The following ANAPC1 variants were observed in gnomAD, a reference collection of about 807,000 sequenced individuals.
ANAPC1 encodes the protein anaphase-promoting complex subunit 1.
In ANAPC1, 36 loss-of-function variants were observed where a neutral mutation model predicts 208.0. The ratio of observed to expected loss-of-function variants is 0.17; its 90% confidence interval spans 0.13 to 0.23. ANAPC1 has a LOEUF of 0.23. Among genes scored for constraint, ANAPC1 ranks in the 10% least tolerant of loss-of-function variants. ANAPC1 has a pLI of 1.00. For missense variants in ANAPC1, 942 were observed against 2,011.6 expected, an observed-to-expected ratio of 0.47 and a Z score of 10.17; for synonymous variants, 378 against 695.2, an observed-to-expected ratio of 0.54 and a Z score of 7.18.
At position 111,862,505 on chromosome 2, in the gene ANAPC1, A is replaced by G; in HGVS notation, c.1146T>C (p.Ser382=). 6.2e-7 allele frequency: 1 copy of G among 1,611,570 alleles called. No homozygotes were observed. Among genetic ancestry groups the G allele is most frequent in the Middle Eastern group, 2.3e-4 (1 of 4,430 alleles). The change falls in exon 10 of 48, where the codon AGT becomes AGC. Residue 382 remains serine, a synonymous_variant. Transcript: ENST00000341068. The part of the protein sequence containing the change: ...SSHNQSPKRH[S]ISHSPNSNSN... ...AATTACTATTTGGAGAATGAGAAAT[A>G]CTATGTCTCTTTGGAGACTGATTAT...
At chr2:111,832,298 G>C (rs1347546115) in intron 20 of ANAPC1, among the ~76,000 whole-genome samples, 1 of 122,166 alleles carries the variant, frequency 8.2e-6, no homozygotes, top group East Asian at 2.5e-4. Context: ...GTGAGACCCT[G>C]TCTCAAGAAA....
chr2:111,860,999 C>T (rs933858930), intron 10 of ANAPC1, among the ~76,000 whole-genome samples: 2 of 152,198 alleles, frequency 1.3e-5, no homozygotes, highest in South Asian at 2.1e-4. Flanking sequence ...CCCAAACTTC[C>T]GACACACTTA....
At chr2:111,857,479 G>C (rs1681797744) in intron 11 of ANAPC1, among the ~76,000 whole-genome samples, 1 of 152,220 alleles carries the variant, frequency 6.6e-6, no homozygotes, top group Non-Finnish European at 1.5e-5. Flanking sequence ...TTAGAGAAAA[G>C]CAAATTAAAG....
intron 46 of ANAPC1, among the ~76,000 whole-genome samples, chr2:111,776,003 AT>A (rs1676990357): frequency 6.6e-6 from 1 of 152,002 alleles, no homozygotes; most frequent in Non-Finnish European, 1.5e-5. Context: ...TTACAATTTA[AT>A]TTTTTTCAGA....
At chr2:111,774,660 T>TAA (rs58590453) in intron 46 of ANAPC1, among the ~76,000 whole-genome samples, 2 of 4,458 alleles carry the variant, frequency 4.5e-4, no homozygotes, top group East Asian at 6.0e-3. Flanking sequence ...TGACAAGTCT[T>TAA]AAAAAAAAAA....
intron 16 of ANAPC1, among the ~76,000 whole-genome samples, chr2:111,845,931 C>T (rs1361111658): frequency 2.7e-5 from 4 of 148,984 alleles, no homozygotes; most frequent in Non-Finnish European, 4.4e-5. Flanking sequence ...GCCGAGTTTG[C>T]GCCACTGCAC....
At chr2:111,849,179 C>G (rs903263105) in intron 14 of ANAPC1, among the ~76,000 whole-genome samples, 6 of 152,244 alleles carry the variant, frequency 3.9e-5, no homozygotes, top group African/African-American at 1.4e-4. Context: ...GGTCCTGGCT[C>G]TAAGTCTACT....
chr2:111,784,262 ACG>A, intron 41 of ANAPC1, 59 bp downstream of exon 41: 9 of 1,613,924 alleles, frequency 5.6e-6, no homozygotes, highest in Non-Finnish European at 7.6e-6. Flanking sequence ...GCTATCTTTA[ACG>A]CTATGCCATT....
intron 17 of ANAPC1, among the ~76,000 whole-genome samples, chr2:111,842,164 G>A (rs1680798367): frequency 6.6e-6 from 1 of 152,124 alleles, no homozygotes; most frequent in Non-Finnish European, 1.5e-5. Flanking sequence ...ACTACACTAT[G>A]AAGAAATGAT....
At position 111,863,709 on chromosome 2, in the gene ANAPC1, G is replaced by A. The variant is rs137965758; in HGVS notation, c.1018C>T (p.Arg340Cys). Residue 340 changes from arginine (R) to cysteine (C), a missense_variant, in exon 9 of 48, where the codon CGC (arginine) becomes TGC (cysteine). By Grantham distance (180) the Arg-to-Cys change is radical. Coordinates refer to ENST00000341068, the MANE Select transcript of ANAPC1 (RefSeq NM_022662.4). ...GCCATGTTGGAAATAGAAGGTGAGC[G>A]AGAATGTAGACTGGGTGATGAGGTT... The part of the protein sequence containing the change: ...RSTSSPSLHS[R>C]SPSISNMAAL... 9.9e-6 allele frequency: 16 copies of A among 1,613,754 alleles called. No individual in the cohort carries two copies. Among genetic ancestry groups the A allele is most frequent in the Non-Finnish European group, 1.4e-5 (16 of 1,179,816 alleles).
At chr2:111,881,766 A>T (rs1683310684) in intron 1 of ANAPC1, among the ~76,000 whole-genome samples, 1 of 152,334 alleles carries the variant, frequency 6.6e-6, no homozygotes, top group South Asian at 2.1e-4. Flanking sequence ...TTTTGAGATG[A>T]TGCAAGCTAG....
At chr2:111,789,131 C>A (rs1488586847) in intron 38 of ANAPC1, among the ~76,000 whole-genome samples, 2 of 152,064 alleles carry the variant, frequency 1.3e-5, no homozygotes, top group Admixed American at 1.3e-4. Flanking sequence ...GAGCGAGACT[C>A]CTTCTCAAAA....
intron 11 of ANAPC1, among the ~76,000 whole-genome samples, chr2:111,857,962 C>T (rs1425406176): frequency 3.0e-5 from 3 of 100,860 alleles, no homozygotes; most frequent in South Asian, 3.9e-4. Context: ...ACTGTGTGTA[C>T]ATACATTATA....
intron 7 of ANAPC1, 145 bp downstream of exon 7, chr2:111,867,878 T>G: frequency 3.7e-6 from 2 of 535,368 alleles, no homozygotes; most frequent in African/African-American, 1.9e-5. Context: ...TACCATGATA[T>G]TCAAGAAAGT....
chr2:111,850,357 G>A (rs567332585), intron 14 of ANAPC1, among the ~76,000 whole-genome samples: 80 of 152,186 alleles, frequency 5.3e-4, no homozygotes, highest in African/African-American at 1.7e-3. Flanking sequence ...AGGTCCAAAC[G>A]AAGACTGACA....
At chr2:111,871,515 C>T (rs1285699535) in intron 6 of ANAPC1, among the ~76,000 whole-genome samples, 2 of 152,110 alleles carry the variant, frequency 1.3e-5, no homozygotes, top group Non-Finnish European at 1.5e-5. Flanking sequence ...CTTTGGGAGG[C>T]CAAGGTGGGT....
At chr2:111,843,344 A>C in intron 17 of ANAPC1, 68 bp downstream of exon 17, 10 of 1,525,992 alleles carry the variant, frequency 6.6e-6, no homozygotes, top group Non-Finnish European at 9.0e-6. Context: ...TCTCAATGTT[A>C]TATTACCAAT....
chr2:111,844,345 G>A (rs1226186870), intron 16 of ANAPC1, among the ~76,000 whole-genome samples: 1 of 151,460 alleles, frequency 6.6e-6, no homozygotes, highest in African/African-American at 2.4e-5. Flanking sequence ...AAGGCGGGTG[G>A]ATCACCTGAG....
At chr2:111,883,896 C>G (rs1030414988) in intron 1 of ANAPC1, 46 bp downstream of exon 1, 1 of 152,308 alleles carries the variant, frequency 6.6e-6, no homozygotes. Context: ...GCGAGAGTCA[C>G]GCGGCGCGCG....
Sources: gnomAD v4.1 joint callset for allele counts (sites outside exome capture counted in the v4.1 genomes callset) on GRCh38, gnomAD v4.1.1 for gene constraint, MANE v1.5 for transcripts, NCBI Gene and HGNC (gene_info 2026-07-23, HGNC 2026-07-21) for gene names.